BCL11B: variants seen among roughly 807,000 people sequenced by gnomAD.
BCL11B encodes BCL11 transcription factor B.
A neutral mutation model predicts 49.9 loss-of-function variants in BCL11B; 8 were observed. That is an observed-to-expected ratio of 0.16 (90% confidence interval 0.09 to 0.29). BCL11B has a LOEUF of 0.29. Ranked by LOEUF, BCL11B falls within the 10% of genes least tolerant of loss-of-function variation. The probability of loss-of-function intolerance (pLI) is 1.00; values close to 1 mark genes in which losing one functional copy is unlikely to be tolerated. For missense variants in BCL11B, 1,006 were observed against 1,351.0 expected (o/e 0.74, Z 4.00); for synonymous variants, 739 against 637.4 (o/e 1.16, Z -2.40).
rs530842447 is a variant in BCL11B at position 99,211,323 on chromosome 14, G to A, written c.640+20022C>T. Among the ~76,000 whole-genome samples, 6 of 152,310 alleles carry A rather than the reference G, an allele frequency of 3.9e-5. No homozygotes were observed. In the South Asian group the frequency reaches 1.2e-3, roughly 32 times the overall value. On this transcript the variant is annotated intron_variant, in intron 3 of 3. Coordinates refer to ENST00000357195, the MANE Select transcript of BCL11B (RefSeq NM_138576.4). ...ACCAGGGGAGTAAAGGGGTCCCCAT[G>A]AGAGCCTGCAGCTGGACAGCCTCTG...
rs980229622 is a variant in BCL11B at position 99,257,415 on chromosome 14, G to C, written c.427+56C>G. 1 of 1,544,486 alleles carries C rather than the reference G, an allele frequency of 6.5e-7. No individual in the cohort carries two copies. The highest frequency in any genetic ancestry group is 8.8e-7 in the Non-Finnish European group (1 of 1,139,782). On this transcript the variant is annotated intron_variant, in intron 2 of 3. Transcript: ENST00000357195. The surrounding 1 kb of genome is among the most constrained non-coding windows in gnomAD (Gnocchi z 6.2). ...CTGCACCAGCACACTCAGGCAGAGG[G>C]CATGGGACCCAGGAGGTGGCTTCCA... is the stretch of plus-strand genomic sequence containing the variant.
rs1240055407 is a variant in BCL11B, at chr14:99,242,902, T to C, written c.428-11345A>G. 6.6e-6 allele frequency among the ~76,000 whole-genome samples: 1 copy of C among 152,176 alleles called. No homozygotes were observed. The highest frequency in any genetic ancestry group is 1.5e-5 in the Non-Finnish European group (1 of 68,024). ...TCATAGCAGACAGCTGTGTGCTCCA[T>C]GGGGATAAGTGCCAATTTTTGTTAG... On this transcript the variant is annotated intron_variant, in intron 2 of 3. Coordinates refer to ENST00000357195, the MANE Select transcript of BCL11B (RefSeq NM_138576.4). The surrounding 1 kb of genome is among the most constrained non-coding windows in gnomAD (Gnocchi z 4.4).
At chr14:99,268,913 G>A (rs1051288773) in intron 1 of BCL11B, among the ~76,000 whole-genome samples, 1 of 152,140 alleles carries the variant, frequency 6.6e-6, no homozygotes, top group Non-Finnish European at 1.5e-5. Context: ...GAGCAGGGCT[G>A]AGCGAGACAG....
intron 3 of BCL11B, among the ~76,000 whole-genome samples, chr14:99,199,650 G>C (rs746146007): frequency 0.046 from 3,607 of 79,016 alleles, 68 homozygotes; most frequent in Non-Finnish European, 0.077. Context: ...CTGTGTGTGT[G>C]TGTGTGTGTG....
At chr14:99,223,745 C>T (rs761659669) in intron 3 of BCL11B, among the ~76,000 whole-genome samples, 68 of 152,312 alleles carry the variant, frequency 4.5e-4, no homozygotes, top group Non-Finnish European at 7.6e-4. Flanking sequence ...TGCAGTCAGG[C>T]ACCACTTGTG....
At chr14:99,230,833 A>G (rs536735310) in intron 3 of BCL11B, among the ~76,000 whole-genome samples, 139 of 151,850 alleles carry the variant, frequency 9.2e-4, no homozygotes, top group Non-Finnish European at 1.7e-3. Flanking sequence ...ACAGCTTTTT[A>G]AGAGGCTCCT....
chr14:99,181,433 G>A (rs1166471976), intron 3 of BCL11B, among the ~76,000 whole-genome samples: 4 of 152,338 alleles, frequency 2.6e-5, no homozygotes, highest in African/African-American at 4.8e-5. Flanking sequence ...AAAGCGGCAC[G>A]GCCAGAAAGG....
chr14:99,175,664 A>G lies in BCL11B; in HGVS notation c.1172T>C (p.Leu391Pro). ...GGGGCTGGGCTGGAAGGGGTTCAGG[A>G]GCCGGTGCATAGGGTTGCCGCGGCC... The part of the protein sequence containing the change: ...SPGRGNPMHR[L>P]LNPFQPSPKS... Residue 391 changes from leucine to proline, a missense_variant, in exon 4 of 4, where the codon CTC becomes CCC. This residue lies in a region of BCL11B where 97 missense variants were observed against 81.5 expected (regional missense o/e 1.19). Coordinates refer to ENST00000357195, the MANE Select transcript of BCL11B (RefSeq NM_138576.4). 6.4e-7 allele frequency: 1 copy of G among 1,556,122 alleles called. No individual in the cohort carries two copies.
rs149490645 is a variant in BCL11B at position 99,222,897 on chromosome 14, CTT to C, written c.640+8446_640+8447del. The stretch of plus-strand genomic sequence containing the variant: ...TCCTTTCTTTCCTTTCTTTCTTTCT[CTT>C]TCTCTCTTTCTGTCTGCTACAAGTA... On this transcript the variant is annotated intron_variant, in intron 3 of 3. Transcript: ENST00000357195. Among the ~76,000 whole-genome samples the C allele has an allele frequency of 6.7e-3, 1,003 of 150,696 alleles. 10 individuals are homozygous for C. Among genetic ancestry groups the C allele is most frequent in the African/African-American group, 0.023 (952 of 40,824 alleles).
chr14:99,216,018 G>C (rs745870952), intron 3 of BCL11B, among the ~76,000 whole-genome samples: 5 of 152,182 alleles, frequency 3.3e-5, no homozygotes, highest in Admixed American at 6.5e-5. Context: ...AAGCGGCAAT[G>C]ACAGTGATTG....
At chr14:99,223,960 T>C (rs553279336) in intron 3 of BCL11B, among the ~76,000 whole-genome samples, 19 of 152,286 alleles carry the variant, frequency 1.2e-4, no homozygotes, top group African/African-American at 4.6e-4. Context: ...GGGACATGCA[T>C]TTCACATCCA....
At chr14:99,221,481 C>T (rs997339668) in intron 3 of BCL11B, among the ~76,000 whole-genome samples, 1 of 152,224 alleles carries the variant, frequency 6.6e-6, no homozygotes, top group African/African-American at 2.4e-5. Context: ...TCTAATTACC[C>T]GGGGCTCAGG....
In BCL11B at chr14:99,173,897, C is replaced by CA. The variant is rs1190912655; in HGVS notation, c.*253dup. 9 of 522,804 alleles carry CA rather than the reference C, an allele frequency of 1.7e-5. No individual in the cohort carries two copies. The highest frequency in any genetic ancestry group is 5.2e-5 in the South Asian group (2 of 38,676). 32.4% of individuals were successfully genotyped at this position (522,804 alleles called of 1,614,324 possible). A position where few individuals can be genotyped will look rare whatever the true frequency, so the allele number is the denominator to read the frequency against. ...AATAATAAAAAGTACCTGCACATGC[C>CA]AAAAAAATTACAAAACCCAATAAAT... On this transcript the variant is annotated 3_prime_UTR_variant, in exon 4 of 4. Coordinates refer to ENST00000357195, the MANE Select transcript of BCL11B (RefSeq NM_138576.4).
Position 99,195,913 on chromosome 14 carries a change from G to C in BCL11B, c.641-19718C>G, listed in dbSNP as rs1020807499. Reference sequence around the variant, plus strand: ...GTCTGCACCCGCCCCTTGTGTCTGCGCGGCACAGTGAGAACTGACATTTCT... The same window carrying C: ...GTCTGCACCCGCCCCTTGTGTCTGCCCGGCACAGTGAGAACTGACATTTCT... On this transcript the variant is annotated intron_variant, in intron 3 of 3. Transcript: ENST00000357195. This position sits in a 1 kb window ranked among gnomAD's most constrained non-coding sequence, Gnocchi z 4.7. Among the ~76,000 whole-genome samples, 1 of 152,088 alleles carries C rather than the reference G, an allele frequency of 6.6e-6. No individual in the cohort carries two copies. Among genetic ancestry groups the C allele is most frequent in the South Asian group, 2.1e-4 (1 of 4,804 alleles).
chr14:99,256,807 C>A (rs181654285), intron 2 of BCL11B, among the ~76,000 whole-genome samples: 3 of 152,178 alleles, frequency 2.0e-5, no homozygotes, highest in African/African-American at 7.2e-5. Context: ...CCAACCTCCC[C>A]CAACGGGCAC....
intron 3 of BCL11B, among the ~76,000 whole-genome samples, chr14:99,219,264 G>A (rs1887941474): frequency 6.6e-6 from 1 of 151,966 alleles, no homozygotes; most frequent in Admixed American, 6.6e-5. Context: ...GAACTGCTGG[G>A]CTCAAGAGAT....
intron 2 of BCL11B, among the ~76,000 whole-genome samples, chr14:99,234,526 C>T (rs1342782155): frequency 4.6e-5 from 7 of 152,204 alleles, no homozygotes; most frequent in Middle Eastern, 3.4e-3. Flanking sequence ...CCTTGAGGAC[C>T]GAGAGGACTG....
intron 2 of BCL11B, among the ~76,000 whole-genome samples, chr14:99,238,074 C>G (rs1439215666): frequency 3.3e-5 from 5 of 151,700 alleles, no homozygotes; most frequent in Admixed American, 1.3e-4. Flanking sequence ...GTGTGGCCAC[C>G]AGGGTATCCA....
Position 99,228,238 on chromosome 14 carries a change from G to A in BCL11B, c.640+3107C>T, listed in dbSNP as rs1054443009. On this transcript the variant is annotated intron_variant, in intron 3 of 3. Transcript: ENST00000357195. The surrounding 1 kb of genome is among the most constrained non-coding windows in gnomAD (Gnocchi z 4.8). ...TTACAAAGGCCTGCTTCTTCCTAAC[G>A]GGTTACTGGGAACTTAATGACTCCA... 2.6e-5 allele frequency among the ~76,000 whole-genome samples: 4 copies of A among 152,124 alleles called. No individual in the cohort carries two copies. Among genetic ancestry groups the A allele is most frequent in the African/African-American group, 4.8e-5 (2 of 41,428 alleles).
Sources: allele counts gnomAD v4.1 joint callset (sites outside exome capture counted in the v4.1 genomes callset), GRCh38; gene constraint gnomAD v4.1.1; regional missense constraint gnomAD v4.1.1; non-coding constraint Gnocchi (gnomAD v3.1); transcripts MANE v1.5; gene names NCBI Gene and HGNC (gene_info 2026-07-23, HGNC 2026-07-21).